SOX5: variants seen among roughly 807,000 people sequenced by gnomAD.
The protein encoded by SOX5 is SRY-box transcription factor 5.
In SOX5, 9 loss-of-function variants were observed where a neutral mutation model predicts 92.0. The observed-to-expected ratio is 0.10, with a 90% CI of 0.06 to 0.17. The LOEUF (loss-of-function observed/expected upper bound fraction) is 0.17, where lower values mean the gene tolerates loss of function less well. SOX5 is among the 10% of genes least tolerant of loss of function. The pLI, the probability that SOX5 is intolerant of heterozygous loss-of-function variation, is 1.00. For missense variants in SOX5, 642 were observed against 944.5 expected (o/e 0.68, Z 4.20); for synonymous variants, 344 against 336.3 (o/e 1.02, Z -0.25).
At chr12:24,337,715 A>G (rs1037004595) in intron 2 of SOX5, among the ~76,000 whole-genome samples, 6 of 152,216 alleles carry the variant, frequency 3.9e-5, no homozygotes, top group African/African-American at 1.4e-4. Context: ...TGACATTGCC[A>G]TAAAATAATC....
At chr12:24,404,782 TC>T (rs1267408963) in intron 1 of SOX5, among the ~76,000 whole-genome samples, 2 of 152,008 alleles carry the variant, frequency 1.3e-5, no homozygotes, top group African/African-American at 4.8e-5. Flanking sequence ...CATTGCCCCT[TC>T]CCCCCAAATT....
chr12:23,560,948 A>G (rs974973696), intron 11 of SOX5, among the ~76,000 whole-genome samples: 6 of 152,222 alleles, frequency 3.9e-5, no homozygotes, highest in African/African-American at 1.4e-4. Flanking sequence ...TTCCTTTTAT[A>G]TTACAAGAGT....
At chr12:24,513,850 C>T (rs939521443) in intron 1 of SOX5, among the ~76,000 whole-genome samples, 1 of 152,174 alleles carries the variant, frequency 6.6e-6, no homozygotes, top group Non-Finnish European at 1.5e-5. Context: ...CAATGCTTTT[C>T]CTAATATAAA....
intron 2 of SOX5, among the ~76,000 whole-genome samples, chr12:24,309,116 G>C (rs1260571000): frequency 6.6e-6 from 1 of 152,148 alleles, no homozygotes; most frequent in African/African-American, 2.4e-5. Context: ...TGATATCCTT[G>C]TAGATAGGAT....
chr12:24,389,524 A>G (rs1259014332), intron 1 of SOX5, among the ~76,000 whole-genome samples: 2 of 152,174 alleles, frequency 1.3e-5, no homozygotes, highest in Non-Finnish European at 2.9e-5. Context: ...TCACCTAGGT[A>G]TTAACCCAGC....
At chr12:24,356,286 G>T (rs1235700915) in intron 2 of SOX5, among the ~76,000 whole-genome samples, 2 of 152,208 alleles carry the variant, frequency 1.3e-5, no homozygotes, top group African/African-American at 4.8e-5. Context: ...AGGGATGGTA[G>T]GTAGGGAACC....
chr12:24,416,817 T>C (rs547459156), intron 1 of SOX5, among the ~76,000 whole-genome samples: 1 of 152,354 alleles, frequency 6.6e-6, no homozygotes, highest in South Asian at 2.1e-4. Flanking sequence ...ATCTGAGTGA[T>C]CTTGGGCATG....
At chr12:24,107,409 A>G (rs1205978490) in intron 4 of SOX5, among the ~76,000 whole-genome samples, 1 of 152,254 alleles carries the variant, frequency 6.6e-6, no homozygotes, top group Non-Finnish European at 1.5e-5. Context: ...TAAATGGGAA[A>G]GGGAATTTGT....
chr12:23,954,859 A>G (rs546234538), upstream of SOX5, among the ~76,000 whole-genome samples: 1 of 152,122 alleles, frequency 6.6e-6, no homozygotes, highest in Non-Finnish European at 1.5e-5. Flanking sequence ...TCTCAAAGAA[A>G]TGATGTCATT....
intron 6 of SOX5, among the ~76,000 whole-genome samples, chr12:23,686,593 T>C (rs2087630036): frequency 6.6e-6 from 1 of 152,174 alleles, no homozygotes; most frequent in Admixed American, 6.6e-5. Context: ...CAAATATCAA[T>C]TGCTTTCACA....
chr12:24,391,271 C>A (rs952457843), intron 1 of SOX5, among the ~76,000 whole-genome samples: 1 of 152,096 alleles, frequency 6.6e-6, no homozygotes, highest in African/African-American at 2.4e-5. Context: ...AAAGGAGTTA[C>A]TGGTTTTTTA....
At chr12:24,525,154 T>C (rs575805383) in intron 1 of SOX5, among the ~76,000 whole-genome samples, 79 of 152,248 alleles carry the variant, frequency 5.2e-4, no homozygotes, top group African/African-American at 1.9e-3. Flanking sequence ...TAAATGACCA[T>C]TGACAGGTGA....
chr12:23,723,953 T>G (rs1330763836), intron 6 of SOX5, among the ~76,000 whole-genome samples: 2 of 152,186 alleles, frequency 1.3e-5, no homozygotes, highest in Non-Finnish European at 2.9e-5. Context: ...TCTTAGCATT[T>G]ATCAGTGAAA....
intron 2 of SOX5, among the ~76,000 whole-genome samples, chr12:23,872,932 G>C (rs1224928744): frequency 6.6e-6 from 1 of 152,162 alleles, no homozygotes; most frequent in Non-Finnish European, 1.5e-5. Context: ...ACTAATTAAA[G>C]CTGGACTAGG....
intron 4 of SOX5, among the ~76,000 whole-genome samples, chr12:24,131,468 C>T (rs1949640465): frequency 6.6e-6 from 1 of 151,990 alleles, no homozygotes; most frequent in South Asian, 2.1e-4. Context: ...AAATAAAGGC[C>T]CAATGATTGT....
chr12:24,512,634 G>C (rs1052763645), intron 1 of SOX5, among the ~76,000 whole-genome samples: 3 of 152,182 alleles, frequency 2.0e-5, no homozygotes, highest in Admixed American at 1.3e-4. Flanking sequence ...AGTCATAAGA[G>C]CCAGATTCTA....
At chr12:23,971,844 C>A (rs763149227) in intron 4 of SOX5, among the ~76,000 whole-genome samples, 10 of 152,056 alleles carry the variant, frequency 6.6e-5, no homozygotes, top group Non-Finnish European at 1.5e-4. Flanking sequence ...AAACATTGTG[C>A]ATGTACTTTA....
intron 3 of SOX5, among the ~76,000 whole-genome samples, chr12:24,245,307 A>G (rs980137041): frequency 2.6e-5 from 4 of 151,154 alleles, no homozygotes; most frequent in African/African-American, 4.9e-5. Context: ...CCCAACAACT[A>G]GGATAGTGCC....
At position 23,895,829 on chromosome 12, in the gene SOX5, A is replaced by G. The variant is rs1260146740; in HGVS notation, c.234T>C (p.Cys78=). The G allele has an allele frequency of 6.2e-7, 1 of 1,613,968 alleles. No homozygotes were observed. Among genetic ancestry groups the G allele is most frequent in the Non-Finnish European group, 8.5e-7 (1 of 1,179,818 alleles). The change falls in exon 2 of 15, where the codon TGT becomes TGC. Residue 78 remains cysteine (C), a synonymous_variant. Transcript: ENST00000451604. Reference sequence around the variant, plus strand: ...GCTGAGAAGTGGGAGTCCTATGGCCACAAGTCTCTTGCGTCAGCAGAGAAA... The same window carrying G: ...GCTGAGAAGTGGGAGTCCTATGGCCGCAAGTCTCTTGCGTCAGCAGAGAAA... The part of the protein sequence containing the change: ...QPVSLLTQET[C]GHRTPTSQHN...
Sources: allele counts gnomAD v4.1 joint callset (sites outside exome capture counted in the v4.1 genomes callset), GRCh38; gene constraint gnomAD v4.1.1; transcripts MANE v1.5; gene names NCBI Gene and HGNC (gene_info 2026-07-23, HGNC 2026-07-21).